Variants in AFF3 observed in about 807,000 individuals in gnomAD.
The protein encoded by AFF3 is ALF transcription elongation factor 3.
A neutral mutation model predicts 129.7 loss-of-function variants in AFF3; 32 were observed. The ratio of observed to expected loss-of-function variants is 0.25; its 90% CI spans 0.19 to 0.33. AFF3 has a LOEUF of 0.33. Among genes scored for constraint, AFF3 ranks in the 10% least tolerant of loss-of-function variants. AFF3 has a pLI of 1.00. For missense variants in AFF3, 1,373 were observed against 1,592.0 expected (o/e 0.86, Z 2.34); for synonymous variants, 644 against 635.4 (o/e 1.01, Z -0.20).
intron 11 of AFF3, among the ~76,000 whole-genome samples, chr2:99,694,189 C>T (rs1461707910): frequency 2.6e-5 from 4 of 151,686 alleles, no homozygotes; most frequent in South Asian, 2.1e-4. Context: ...TGAGCCACCG[C>T]GTCTGGCCTC....
At chr2:99,948,045 A>G (rs953294936) in intron 7 of AFF3, among the ~76,000 whole-genome samples, 1 of 152,132 alleles carries the variant, frequency 6.6e-6, no homozygotes, top group Non-Finnish European at 1.5e-5. Flanking sequence ...AGGTTGTGAC[A>G]ATTGTATTTA....
intron 11 of AFF3, among the ~76,000 whole-genome samples, chr2:99,713,337 C>T (rs1387984902): frequency 6.7e-6 from 1 of 149,270 alleles, no homozygotes; most frequent in East Asian, 2.0e-4. Flanking sequence ...GGCACAATCT[C>T]GGCTCACTGC....
At chr2:99,640,668 T>C (rs1457450938) in intron 13 of AFF3, among the ~76,000 whole-genome samples, 1 of 151,810 alleles carries the variant, frequency 6.6e-6, no homozygotes, top group Non-Finnish European at 1.5e-5. Flanking sequence ...CATAAATGAG[T>C]GGCATAATTT....
intron 11 of AFF3, among the ~76,000 whole-genome samples, chr2:99,702,016 A>G (rs1676915289): frequency 6.6e-6 from 1 of 152,254 alleles, no homozygotes; most frequent in South Asian, 2.1e-4. Flanking sequence ...ATTGCTGGGT[A>G]GCATTCAATG....
intron 13 of AFF3, among the ~76,000 whole-genome samples, chr2:99,633,084 A>T (rs968564609): frequency 3.3e-5 from 5 of 152,024 alleles, no homozygotes; most frequent in African/African-American, 1.2e-4. Flanking sequence ...TTTGTTTTAC[A>T]CGCCTCTTTC....
At chr2:99,633,053 C>T (rs999576668) in intron 13 of AFF3, among the ~76,000 whole-genome samples, 9 of 152,028 alleles carry the variant, frequency 5.9e-5, no homozygotes, top group Non-Finnish European at 1.0e-4. Flanking sequence ...CCTAGAGACA[C>T]GGGCTATTTG....
chr2:99,966,504 A>C (rs979386308), intron 7 of AFF3, among the ~76,000 whole-genome samples: 1 of 150,928 alleles, frequency 6.6e-6, no homozygotes, highest in Non-Finnish European at 1.5e-5. Flanking sequence ...TCCCGGCTAA[A>C]ACGGTGAAAC....
chr2:99,890,182 G>A (rs1693443933), intron 7 of AFF3, among the ~76,000 whole-genome samples: 1 of 152,188 alleles, frequency 6.6e-6, no homozygotes, highest in African/African-American at 2.4e-5. Context: ...AGCTCAGCCA[G>A]CGGTGCTCTG....
In AFF3 at chr2:99,593,900, G is replaced by A; in HGVS notation, c.1761C>T (p.Pro587=). ...CTGAGGTCCTCTCGGTGCGCCTGGT[G>A]GGCTTCTTGCCCGCGGACCTCCGGG... ...APARRSAGKK[P]TRRTERTSAG... The change falls in exon 15 of 25, where the codon CCC becomes CCT. Residue 587 remains proline (P), a synonymous_variant. Coordinates refer to ENST00000672756, the MANE Select transcript of AFF3 (RefSeq NM_001386135.1). 6.8e-7 allele frequency: 1 copy of A among 1,473,176 alleles called. No individual in the cohort carries two copies. The highest frequency in any genetic ancestry group is 8.9e-7 in the Non-Finnish European group (1 of 1,119,120). The allele number at this position is 1,473,176 out of a possible 1,614,324, so 91.3% of individuals were successfully genotyped here.
At chr2:100,029,052 T>C (rs1684274135) in intron 4 of AFF3, among the ~76,000 whole-genome samples, 1 of 152,146 alleles carries the variant, frequency 6.6e-6, no homozygotes. Flanking sequence ...TTTTAAAGTG[T>C]GCACACTCAT....
chr2:100,132,559 G>T (rs1692465772), intron 1 of AFF3, among the ~76,000 whole-genome samples: 1 of 152,000 alleles, frequency 6.6e-6, no homozygotes, highest in Non-Finnish European at 1.5e-5. Context: ...AAAAACAAAG[G>T]GTGCGGTATC....
rs56113249 is a variant in AFF3, at chr2:99,906,844, T to TACACACAC, written c.874-69328_874-69321dup. ...AATCAATCAACCTACCTATCCATAT[T>TACACACAC]ACACACACACACACACACACACACA... On this transcript the variant is annotated intron_variant, in intron 7 of 24. Coordinates refer to ENST00000672756, the MANE Select transcript of AFF3 (RefSeq NM_001386135.1). 6.4e-3 allele frequency among the ~76,000 whole-genome samples: 941 copies of TACACACAC among 146,438 alleles called. 6 individuals carry two copies. Among genetic ancestry groups the TACACACAC allele is most frequent in the Non-Finnish European group, 0.01 (685 of 66,052 alleles).
intron 7 of AFF3, among the ~76,000 whole-genome samples, chr2:99,845,434 GA>G (rs990600493): frequency 4.2e-4 from 64 of 152,310 alleles, no homozygotes; most frequent in African/African-American, 1.5e-3. Flanking sequence ...TTGATGGCAT[GA>G]AGAGATGGGA....
chr2:99,722,857 C>T (rs1048618061), intron 11 of AFF3, among the ~76,000 whole-genome samples: 50 of 152,132 alleles, frequency 3.3e-4, no homozygotes, highest in African/African-American at 1.1e-3. Context: ...CACCTCAAGC[C>T]ATTACAGCTG....
chr2:99,816,700 G>C (rs1576075978), intron 8 of AFF3, among the ~76,000 whole-genome samples: 1 of 152,006 alleles, frequency 6.6e-6, no homozygotes, highest in African/African-American at 2.4e-5. Context: ...GATGGTATCT[G>C]ATGTTCCGAT....
intron 18 of AFF3, among the ~76,000 whole-genome samples, chr2:99,571,744 C>T (rs554971039): frequency 1.0e-3 from 153 of 152,266 alleles, no homozygotes; most frequent in East Asian, 1.7e-3. Context: ...TTTCTCCTTT[C>T]GAGTGATTTC....
At chr2:99,654,123 G>A (rs545784956) in intron 12 of AFF3, among the ~76,000 whole-genome samples, 1 of 152,230 alleles carries the variant, frequency 6.6e-6, no homozygotes, top group South Asian at 2.1e-4. Flanking sequence ...CAAGTGATCT[G>A]CCTGCGTCAG....
chr2:99,947,625 T>TAGAC lies in AFF3; in HGVS notation c.873+59006_873+59007insGTCT, dbSNP rs1414163358. Among the ~76,000 whole-genome samples the TAGAC allele has an allele frequency of 8.9e-4, 126 of 141,716 alleles. 1 individual carries two copies. Among genetic ancestry groups the TAGAC allele is most frequent in the African/African-American group, 3.6e-3 (119 of 33,238 alleles). The allele number at this position is 141,716 out of a possible 152,430, so 93.0% of individuals were successfully genotyped here. ...AAAGATAGATAGATAGATAGATAGATAGATAGATAGATAGATAGATAGATA... is the reference window on the plus strand; with the variant it reads ...AAAGATAGATAGATAGATAGATAGATAGACAGATAGATAGATAGATAGATAGATA... On this transcript the variant is annotated intron_variant, in intron 7 of 24. Transcript: ENST00000672756.
At chr2:100,040,773 G>A (rs530082179) in intron 4 of AFF3, among the ~76,000 whole-genome samples, 17 of 152,366 alleles carry the variant, frequency 1.1e-4, no homozygotes, top group African/African-American at 4.1e-4. Flanking sequence ...GGCTTGGGGA[G>A]GCAGCGTTGT....
Sources: allele counts gnomAD v4.1 joint callset (sites outside exome capture counted in the v4.1 genomes callset), GRCh38; gene constraint gnomAD v4.1.1; transcripts MANE v1.5; gene names NCBI Gene and HGNC (gene_info 2026-07-23, HGNC 2026-07-21).